EFNB2: variants seen among roughly 807,000 people sequenced by gnomAD.
The protein encoded by EFNB2 is ephrin-B2.
Under a neutral mutation model 32.1 loss-of-function variants are expected in EFNB2, and 5 were observed. The observed-to-expected ratio is 0.16, with a 90% confidence interval of 0.08 to 0.33. The LOEUF is 0.33. EFNB2 is among the 10% of genes least tolerant of loss of function. The probability of loss-of-function intolerance (pLI) is 1.00; values close to 1 mark genes in which losing one functional copy is unlikely to be tolerated. For synonymous variants in EFNB2, 168 were observed against 166.5 expected (o/e 1.01, Z -0.07); for missense variants, 263 against 422.6 (o/e 0.62, Z 3.31).
At chr13:106,534,719 G>C (rs900130517) in intron 1 of EFNB2, 124 bp downstream of exon 1, 1 of 1,146,632 alleles carries the variant, frequency 8.7e-7, no homozygotes, top group Admixed American at 2.6e-5. Context: ...GGTTGGGGGT[G>C]GGGGACGGGG....
At position 106,499,891 on chromosome 13, in the gene EFNB2, C is replaced by A. The variant is rs183468104; in HGVS notation, c.407-4051G>T. Among the ~76,000 whole-genome samples the A allele has an allele frequency of 3.0e-3, 459 of 152,204 alleles. 1 individual carries two copies. The highest frequency in any genetic ancestry group is 0.011 in the African/African-American group (437 of 41,536). On this transcript the variant is annotated intron_variant, in intron 2 of 4. Transcript: ENST00000646441. ...AGTCACTACATTGTTCCCCCCAGGG[C>A]CTAATTTCCAGTGGGTAGAGATTAC...
chr13:106,510,976 C>T (rs939219595), intron 2 of EFNB2, among the ~76,000 whole-genome samples: 9 of 151,610 alleles, frequency 5.9e-5, no homozygotes, highest in South Asian at 2.1e-4. Context: ...TCCAGCCTGA[C>T]GAAAGAGAGA....
rs79591796 is a variant in EFNB2 at position 106,495,548 on chromosome 13, T to C, written c.499+200A>G. Among the ~76,000 whole-genome samples, 394 of 152,322 alleles carry C rather than the reference T, an allele frequency of 2.6e-3. 3 individuals carry two copies. The highest frequency in any genetic ancestry group is 9.1e-3 in the African/African-American group (380 of 41,558). ...TATGGCAATAGACATTCTACCTTGC[T>C]GATCTTAACTCTTAGATCTCCAATA... On this transcript the variant is annotated intron_variant, in intron 3 of 4. Transcript: ENST00000646441.
chr13:106,525,982 GT>G (rs1879687264), intron 1 of EFNB2, among the ~76,000 whole-genome samples: 1 of 152,144 alleles, frequency 6.6e-6, no homozygotes, highest in Non-Finnish European at 1.5e-5. Flanking sequence ...TCCCAGAAAG[GT>G]TTGTGTAGGG....
At chr13:106,533,860 C>T (rs777086507) in intron 1 of EFNB2, among the ~76,000 whole-genome samples, 13 of 152,142 alleles carry the variant, frequency 8.5e-5, no homozygotes, top group Non-Finnish European at 1.9e-4. Context: ...ATACACAGTA[C>T]TGAATACCCA....
chr13:106,535,466 T>C lies in EFNB2; in HGVS notation c.-502A>G, dbSNP rs1241289863. On this transcript the variant is annotated 5_prime_UTR_variant, in exon 1 of 5. Coordinates refer to ENST00000646441, the MANE Select transcript of EFNB2 (RefSeq NM_004093.4). ...CCATGTCCCGGAGCACGGAGCGGAGTAGGGCGCCTCCGGGCGCGCAGGAGC... is the reference window on the plus strand; with the variant it reads ...CCATGTCCCGGAGCACGGAGCGGAGCAGGGCGCCTCCGGGCGCGCAGGAGC... 1 of 147,554 alleles carries C rather than the reference T, an allele frequency of 6.8e-6. No individual in the cohort carries two copies. The highest frequency in any genetic ancestry group is 1.5e-5 in the Non-Finnish European group (1 of 66,842). 9.1% of individuals were successfully genotyped at this position (147,554 alleles called of 1,614,324 possible). A position where few individuals can be genotyped will look rare whatever the true frequency, so the allele number is the denominator to read the frequency against.
At chr13:106,504,915 A>G (rs1405561622) in intron 2 of EFNB2, among the ~76,000 whole-genome samples, 3 of 152,230 alleles carry the variant, frequency 2.0e-5, no homozygotes, top group Non-Finnish European at 4.4e-5. Context: ...ACTTGCTAAC[A>G]TAAAAACACA....
At chr13:106,512,468 G>T in intron 2 of EFNB2, 61 bp downstream of exon 2, 9 of 1,027,146 alleles carry the variant, frequency 8.8e-6, no homozygotes, top group East Asian at 4.0e-5. Flanking sequence ...ACAAAAAATT[G>T]ATACAAACCT....
intron 1 of EFNB2, among the ~76,000 whole-genome samples, chr13:106,515,168 T>A (rs1879271912): frequency 6.6e-6 from 1 of 152,116 alleles, no homozygotes; most frequent in Admixed American, 6.6e-5. Context: ...TGCGGTGAGG[T>A]CGAGAACATG....
chr13:106,510,747 C>T (rs971134848), intron 2 of EFNB2, among the ~76,000 whole-genome samples: 1 of 152,226 alleles, frequency 6.6e-6, no homozygotes, highest in Non-Finnish European at 1.5e-5. Flanking sequence ...GGCGCGGTGG[C>T]TCACGCCTGG....
At position 106,493,836 on chromosome 13, in the gene EFNB2, G is replaced by A. The variant is rs1370902751; in HGVS notation, c.614-408C>T. Among the ~76,000 whole-genome samples, 1 of 152,218 alleles carries A rather than the reference G, an allele frequency of 6.6e-6. No homozygotes were observed. Among genetic ancestry groups the A allele is most frequent in the Non-Finnish European group, 1.5e-5 (1 of 68,046 alleles). The stretch of plus-strand genomic sequence containing the variant: ...TCTTCCGCCTCCTTTGAGAAAGGGA[G>A]TTTCATGCAAACCTTCAAAGGGCCT... On this transcript the variant is annotated intron_variant, in intron 4 of 4. Coordinates refer to ENST00000646441, the MANE Select transcript of EFNB2 (RefSeq NM_004093.4). This position sits in a 1 kb window ranked among gnomAD's most constrained non-coding sequence, Gnocchi z 6.1.
Position 106,527,200 on chromosome 13 carries a change from A to T in EFNB2, c.122+7643T>A, listed in dbSNP as rs139784186. Among the ~76,000 whole-genome samples, 1,042 of 152,294 alleles carry T rather than the reference A, an allele frequency of 6.8e-3. 3 individuals carry two copies. The highest frequency in any genetic ancestry group is 0.018 in the African/African-American group (753 of 41,570). ...GCAAGTATGGGAAGGCAGATACAAA[A>T]ACTGTAATTAAAATTGGATGCAACA... is the stretch of plus-strand genomic sequence containing the variant. On this transcript the variant is annotated intron_variant, in intron 1 of 4. Transcript: ENST00000646441.
chr13:106,502,587 G>C (rs1478605583), intron 2 of EFNB2, among the ~76,000 whole-genome samples: 1 of 152,160 alleles, frequency 6.6e-6, no homozygotes, highest in African/African-American at 2.4e-5. Context: ...GTTTACAGGT[G>C]CCATCATGCT....
intron 3 of EFNB2, 84 bp downstream of exon 3, chr13:106,495,664 G>C (rs943464759): frequency 3.2e-6 from 4 of 1,269,236 alleles, no homozygotes; most frequent in Non-Finnish European, 4.5e-6. Context: ...GCGAATGAAG[G>C]TGGGCATCGG....
intron 1 of EFNB2, among the ~76,000 whole-genome samples, chr13:106,531,699 T>C (rs1879876746): frequency 6.6e-6 from 1 of 152,230 alleles, no homozygotes. Flanking sequence ...TTATACGTTA[T>C]CTGGATATCA....
Position 106,512,538 on chromosome 13 carries a change from A to T in EFNB2, c.397T>A (p.Tyr133Asn). 1 of 1,595,974 alleles carries T rather than the reference A, an allele frequency of 6.3e-7. No individual in the cohort carries two copies. The highest frequency in any genetic ancestry group is 8.6e-7 in the Non-Finnish European group (1 of 1,167,398). ...GLEFQKNKDY[Y>N]IISTSNGSLE... is the part of the protein sequence containing the mutation. ...ATAAAATTATACTTACATATAATGT[A>T]ATAATCTTTGTTCTTCTGAAATTCT... The change falls in exon 2 of 5, where the codon TAC becomes AAC. Residue 133 changes from tyrosine to asparagine, a missense_variant. By Grantham distance (143) the Tyr-to-Asn change is moderately radical. This residue lies in a region of EFNB2 where 45 missense variants were observed against 128.6 expected (regional missense o/e 0.35). Coordinates refer to ENST00000646441, the MANE Select transcript of EFNB2 (RefSeq NM_004093.4).
intron 1 of EFNB2, among the ~76,000 whole-genome samples, chr13:106,528,482 AC>A (rs1181283420): frequency 7.0e-5 from 10 of 143,512 alleles, no homozygotes; most frequent in East Asian, 2.4e-4. Flanking sequence ...AAAAAAAAAA[AC>A]AACAACAACA....
rs201811450 is a variant in EFNB2, at chr13:106,512,791, C to G, written c.144G>C (p.Leu48=). ...SNSKFLPGQG[L]VLYPQIGDKL... ...TGTCTCCTATCTGTGGGTATAGTAC[C>G]AGTCCTTGTCCAGGTAGAAATCTAA... The change falls in exon 2 of 5, where the codon CTG becomes CTC. Residue 48 remains leucine, a synonymous_variant. Coordinates refer to ENST00000646441, the MANE Select transcript of EFNB2 (RefSeq NM_004093.4). 1 of 1,594,050 alleles carries G rather than the reference C, an allele frequency of 6.3e-7. No homozygotes were observed. Among genetic ancestry groups the G allele is most frequent in the African/African-American group, 1.3e-5 (1 of 74,442 alleles).
intron 2 of EFNB2, among the ~76,000 whole-genome samples, chr13:106,503,209 G>A (rs142152982): frequency 5.0e-4 from 76 of 151,722 alleles, no homozygotes; most frequent in African/African-American, 1.7e-3. Context: ...AAGTTATGAC[G>A]ATTTATGCAG....
Sources: allele counts gnomAD v4.1 joint callset (sites outside exome capture counted in the v4.1 genomes callset), GRCh38; gene constraint gnomAD v4.1.1; regional missense constraint gnomAD v4.1.1; non-coding constraint Gnocchi (gnomAD v3.1); transcripts MANE v1.5; gene names NCBI Gene and HGNC (gene_info 2026-07-23, HGNC 2026-07-21).